The following NIPAL1 variants were observed in gnomAD, a reference collection of about 807,000 sequenced individuals.
NIPAL1 encodes NIPA like domain containing 1, also known as magnesium transporter NIPA3.
Under a neutral mutation model 37.7 loss-of-function variants are expected in NIPAL1, and 35 were observed. That is an observed-to-expected ratio of 0.93 (90% CI 0.71 to 1.23). NIPAL1 has a LOEUF of 1.23. Ranked by LOEUF, NIPAL1 falls within the 50% of genes most tolerant of loss-of-function variation. The pLI is 0.00. For synonymous variants in NIPAL1, 162 were observed against 183.0 expected (o/e 0.89, Z 0.93); for missense variants, 412 against 473.9 (o/e 0.87, Z 1.21).
chr4:48,024,298 C>T (rs917512403), intron 1 of NIPAL1, among the ~76,000 whole-genome samples: 4 of 150,930 alleles, frequency 2.7e-5, no homozygotes, highest in Non-Finnish European at 4.4e-5. Context: ...TTTTCTTTTT[C>T]GAGACAGGGT....
At chr4:48,031,312 C>T (rs1329620742) in intron 3 of NIPAL1, among the ~76,000 whole-genome samples, 3 of 152,140 alleles carry the variant, frequency 2.0e-5, no homozygotes, top group Non-Finnish European at 2.9e-5. Context: ...TCACCCACCT[C>T]GGCCTTCAGA....
Position 48,038,087 on chromosome 4 carries a change from A to G in NIPAL1, c.*1915A>G, listed in dbSNP as rs1430419335. 7 of 152,222 alleles carry G rather than the reference A, an allele frequency of 4.6e-5. No homozygotes were observed. The highest frequency in any genetic ancestry group is 8.8e-5 in the Non-Finnish European group (6 of 68,038). 9.4% of individuals were successfully genotyped at this position (152,222 alleles called of 1,614,324 possible). On this transcript the variant is annotated 3_prime_UTR_variant, in exon 6 of 6. Coordinates refer to ENST00000295461, the MANE Select transcript of NIPAL1 (RefSeq NM_207330.3). ...CGATTAAACTAACTTCAGCATTTCC[A>G]CAGTTCTATTAAACAATGACTGATG...
At chr4:48,018,053 TA>T (rs1560320948) in intron 1 of NIPAL1, among the ~76,000 whole-genome samples, 2 of 152,008 alleles carry the variant, frequency 1.3e-5, no homozygotes, top group South Asian at 2.1e-4. Flanking sequence ...CACAAGCTAT[TA>T]AAAAAAATTT....
At chr4:48,032,942 T>G in intron 3 of NIPAL1, 51 bp from the exon 4 acceptor site, 1 of 1,299,706 alleles carries the variant, frequency 7.7e-7, no homozygotes, top group Non-Finnish European at 1.1e-6. Context: ...TGTTTTTCTC[T>G]TCTGACAAGT....
At chr4:48,034,029 A>T (rs1715873632) in intron 4 of NIPAL1, among the ~76,000 whole-genome samples, 1 of 152,242 alleles carries the variant, frequency 6.6e-6, no homozygotes, top group African/African-American at 2.4e-5. Flanking sequence ...CTGGTAATTT[A>T]TCATAATCTT....
chr4:48,025,022 AC>A (rs1560322813), intron 1 of NIPAL1, 45 bp from the exon 2 acceptor site: 8 of 1,563,848 alleles, frequency 5.1e-6, no homozygotes, highest in Non-Finnish European at 7.0e-6. Flanking sequence ...AAGCATTAAT[AC>A]CTCTCCCTTT....
In NIPAL1 at chr4:48,039,552, A is replaced by G. The variant is rs1365025971; in HGVS notation, c.*3380A>G. On this transcript the variant is annotated 3_prime_UTR_variant, in exon 6 of 6. Transcript: ENST00000295461. Reference sequence around the variant, plus strand: ...TTGTGCTCACACAGGACAAATGGAAAGATTTTCCTACTTCTGTAAAGATAA... The same window carrying G: ...TTGTGCTCACACAGGACAAATGGAAGGATTTTCCTACTTCTGTAAAGATAA... 6.6e-6 allele frequency: 1 copy of G among 152,246 alleles called. No individual in the cohort carries two copies. The highest frequency in any genetic ancestry group is 1.5e-5 in the Non-Finnish European group (1 of 68,036). 9.4% of individuals were successfully genotyped at this position (152,246 alleles called of 1,614,324 possible).
rs994748683 is a variant in NIPAL1, at chr4:48,027,009, C to T, written c.313+1675C>T. ...CTGGGATTACAGGTGTGAGCCACTG[C>T]GCCTGGCCAAAAAATGAAATAATTT... is the stretch of plus-strand genomic sequence containing the variant. On this transcript the variant is annotated intron_variant, in intron 2 of 5. Transcript: ENST00000295461. The surrounding 1 kb of genome is among the most constrained non-coding windows in gnomAD (Gnocchi z 4.1). 3.3e-5 allele frequency among the ~76,000 whole-genome samples: 5 copies of T among 150,854 alleles called. No homozygotes were observed. The highest frequency in any genetic ancestry group is 6.6e-5 in the Admixed American group (1 of 15,144).
At position 48,036,109 on chromosome 4, in the gene NIPAL1, C is replaced by T; in HGVS notation, c.1170C>T (p.Asn390=). Residue 390 remains asparagine, a synonymous_variant, in exon 6 of 6, where the codon AAC becomes AAT. Transcript: ENST00000295461. ...VNENNYVLLE[N]LECSAPGYND... The stretch of plus-strand genomic sequence containing the variant: ...AAAACAATTATGTTTTACTAGAGAA[C>T]TTGGAGTGTTCAGCCCCAGGATACA... 6.2e-7 allele frequency: 1 copy of T among 1,610,500 alleles called. No homozygotes were observed. The highest frequency in any genetic ancestry group is 8.5e-7 in the Non-Finnish European group (1 of 1,178,896).
chr4:48,030,271 G>A (rs1359023135), intron 3 of NIPAL1, 95 bp downstream of exon 3: 8 of 777,096 alleles, frequency 1.0e-5, no homozygotes, highest in Admixed American at 3.9e-5. Flanking sequence ...TGTCAAGAAT[G>A]GAACAAGGAT....
rs1319887920 is a variant in NIPAL1, at chr4:48,040,172, T to C, written c.*4000T>C. 6.6e-6 allele frequency: 1 copy of C among 152,244 alleles called. No homozygotes were observed. The highest frequency in any genetic ancestry group is 1.5e-5 in the Non-Finnish European group (1 of 68,042). 9.4% of individuals were successfully genotyped at this position (152,244 alleles called of 1,614,324 possible). A position where few individuals can be genotyped will look rare whatever the true frequency, so the allele number is the denominator to read the frequency against. On this transcript the variant is annotated 3_prime_UTR_variant, in exon 6 of 6. Coordinates refer to ENST00000295461, the MANE Select transcript of NIPAL1 (RefSeq NM_207330.3). The stretch of plus-strand genomic sequence containing the variant: ...TTTGCAATAAAATGTTATTTAATTA[T>C]GCTTTTGAGTTCAGTTTTTAGTTTA...
intron 1 of NIPAL1, among the ~76,000 whole-genome samples, chr4:48,024,697 G>A (rs1016214951): frequency 2.0e-5 from 3 of 152,194 alleles, no homozygotes; most frequent in African/African-American, 4.8e-5. Flanking sequence ...TGAAGTGGAT[G>A]TGATGGGCTG....
At position 48,027,942 on chromosome 4, in the gene NIPAL1, A is replaced by G. The variant is rs1295516497; in HGVS notation, c.314-2178A>G. ...CTCATTACTACCAATGTAATTTACT[A>G]TTTATGTTTTCTGTTTTTAATTTTA... On this transcript the variant is annotated intron_variant, in intron 2 of 5. Transcript: ENST00000295461. The surrounding 1 kb of genome is among the most constrained non-coding windows in gnomAD (Gnocchi z 4.1). Among the ~76,000 whole-genome samples the G allele has an allele frequency of 6.6e-5, 10 of 152,170 alleles. No individual in the cohort carries two copies. The highest frequency in any genetic ancestry group is 1.5e-5 in the Non-Finnish European group (1 of 68,004).
At chr4:48,017,359 A>C (rs1395036489) in intron 1 of NIPAL1, among the ~76,000 whole-genome samples, 5 of 152,012 alleles carry the variant, frequency 3.3e-5, no homozygotes, top group Admixed American at 6.5e-5. Context: ...GGGATCGAGC[A>C]CCGCGAGAGG....
At chr4:48,034,535 T>C (rs186133842) in intron 4 of NIPAL1, among the ~76,000 whole-genome samples, 15 of 152,232 alleles carry the variant, frequency 9.9e-5, no homozygotes, top group African/African-American at 3.6e-4. Context: ...GCATACATAT[T>C]CTAAATGTAT....
intron 1 of NIPAL1, among the ~76,000 whole-genome samples, chr4:48,017,351 G>A (rs1444472254): frequency 1.2e-4 from 19 of 152,162 alleles, no homozygotes; most frequent in South Asian, 2.1e-4. Context: ...GGCTCCCGGG[G>A]ATCGAGCACC....
intron 2 of NIPAL1, among the ~76,000 whole-genome samples, chr4:48,029,842 G>C: frequency 6.6e-6 from 1 of 152,040 alleles, no homozygotes; most frequent in Middle Eastern, 3.2e-3. Context: ...AGGTAAATGC[G>C]TAGGGAGGTT....
Position 48,039,943 on chromosome 4 carries a change from T to TA in NIPAL1, c.*3776dup, listed in dbSNP as rs1253545299. The TA allele has an allele frequency of 6.6e-6, 1 of 152,164 alleles. No individual in the cohort carries two copies. Among genetic ancestry groups the TA allele is most frequent in the Non-Finnish European group, 1.5e-5 (1 of 68,016 alleles). 9.4% of individuals were successfully genotyped at this position (152,164 alleles called of 1,614,324 possible). On this transcript the variant is annotated 3_prime_UTR_variant, in exon 6 of 6. Coordinates refer to ENST00000295461, the MANE Select transcript of NIPAL1 (RefSeq NM_207330.3). ...CAACACCAATACAAAATTATTCCAA[T>TA]AAAAATATTTTTCTTAATAAAACCA...
chr4:48,025,196 T>C lies in NIPAL1; in HGVS notation c.175T>C (p.Ser59Pro). Residue 59 changes from serine (S) to proline (P), a missense_variant, in exon 2 of 6, where the codon TCA becomes CCA. Transcript: ENST00000295461. ...LNYSINNLSI[S>P]ANVENKYSLY... The stretch of plus-strand genomic sequence containing the variant: ...TTACAGCATAAACAACTTGAGCATT[T>C]CAGCAAATGTAGAAAACAAATACAG... The C allele has an allele frequency of 6.2e-7, 1 of 1,614,208 alleles. No homozygotes were observed.
Sources: allele counts gnomAD v4.1 joint callset (sites outside exome capture counted in the v4.1 genomes callset), GRCh38; gene constraint gnomAD v4.1.1; non-coding constraint Gnocchi (gnomAD v3.1); transcripts MANE v1.5; gene names NCBI Gene and HGNC (gene_info 2026-07-23, HGNC 2026-07-21).